The following IMMP2L variants were observed in gnomAD, a reference collection of about 807,000 sequenced individuals.
IMMP2L encodes the protein mitochondrial inner membrane protease subunit 2.
IMMP2L carries 18 observed loss-of-function variants against 19.3 expected under a neutral mutation model. That is an observed-to-expected ratio of 0.93 (90% CI 0.64 to 1.38). The LOEUF is 1.38. Ranked by LOEUF, IMMP2L falls within the 40% of genes most tolerant of loss-of-function variation. The probability of loss-of-function intolerance (pLI) is 0.00; values close to 1 mark genes in which losing one functional copy is unlikely to be tolerated. For missense variants in IMMP2L, 233 were observed against 218.2 expected (o/e 1.07, Z -0.43); for synonymous variants, 76 against 73.0 (o/e 1.04, Z -0.21).
At chr7:111,556,924 C>T (rs906656137) in intron 1 of IMMP2L, among the ~76,000 whole-genome samples, 5 of 152,046 alleles carry the variant, frequency 3.3e-5, no homozygotes, top group African/African-American at 9.7e-5. Context: ...ATATGCCCTG[C>T]GAGCATGTTA....
chr7:111,257,769 A>AC (rs1816875365), intron 3 of IMMP2L, among the ~76,000 whole-genome samples: 1 of 151,572 alleles, frequency 6.6e-6, no homozygotes, highest in African/African-American at 2.4e-5. Context: ...TCTTTTAAAC[A>AC]CCTTTTTCTT....
intron 5 of IMMP2L, among the ~76,000 whole-genome samples, chr7:110,677,549 C>A (rs919840287): frequency 6.6e-6 from 1 of 152,106 alleles, no homozygotes; most frequent in Non-Finnish European, 1.5e-5. Flanking sequence ...CAAAGGCATG[C>A]ACACAGAATG....
At chr7:111,166,690 G>A (rs1014772925) in intron 3 of IMMP2L, among the ~76,000 whole-genome samples, 2 of 152,016 alleles carry the variant, frequency 1.3e-5, no homozygotes, top group South Asian at 2.1e-4. Context: ...AAATCAAGGT[G>A]TCATCGGGCT....
intron 1 of IMMP2L, among the ~76,000 whole-genome samples, chr7:111,533,380 T>A (rs1439317478): frequency 6.6e-6 from 1 of 152,196 alleles, no homozygotes; most frequent in Non-Finnish European, 1.5e-5. Context: ...GTTGAAATCT[T>A]AACTTCAACC....
At chr7:111,015,498 T>G (rs1825405692) in intron 3 of IMMP2L, among the ~76,000 whole-genome samples, 1 of 152,118 alleles carries the variant, frequency 6.6e-6, no homozygotes, top group African/African-American at 2.4e-5. Context: ...AACGTGAATA[T>G]ACTTAACACT....
At position 111,186,289 on chromosome 7, in the gene IMMP2L, T is replaced by C. The variant is rs562350859; in HGVS notation, c.240-222724A>G. On this transcript the variant is annotated intron_variant, in intron 3 of 5. Coordinates refer to ENST00000405709, the MANE Select transcript of IMMP2L (RefSeq NM_032549.4). The stretch of plus-strand genomic sequence containing the variant: ...CAATGTATATGCTGCGGGCATGTGA[T>C]TGTCACAAATACAGTTATAGCCATG... 6.6e-5 allele frequency among the ~76,000 whole-genome samples: 10 copies of C among 152,284 alleles called. No homozygotes were observed. In the South Asian group the frequency reaches 2.1e-3, roughly 32 times the overall value.
chr7:111,448,488 T>C (rs1838764162), intron 3 of IMMP2L, among the ~76,000 whole-genome samples: 1 of 143,214 alleles, frequency 7.0e-6, no homozygotes, highest in African/African-American at 2.6e-5. Context: ...AAGGCAGAAA[T>C]AAAGATGTTC....
chr7:110,895,522 C>T (rs560477598), intron 4 of IMMP2L, among the ~76,000 whole-genome samples: 1 of 152,226 alleles, frequency 6.6e-6, no homozygotes, highest in African/African-American at 2.4e-5. Flanking sequence ...CTCTGCATTT[C>T]CAAACAGATT....
chr7:111,522,938 T>TATATATATATATATATATATA (rs199823915), intron 1 of IMMP2L, among the ~76,000 whole-genome samples: 17 of 148,820 alleles, frequency 1.1e-4, no homozygotes, highest in African/African-American at 3.1e-4. Flanking sequence ...TATATATATA[T>TATATATATATATATATATATA]TATTTCACCA....
At chr7:111,205,220 A>T (rs1042499490) in intron 3 of IMMP2L, among the ~76,000 whole-genome samples, 2 of 152,188 alleles carry the variant, frequency 1.3e-5, no homozygotes, top group Non-Finnish European at 2.9e-5. Flanking sequence ...CACTAATCCC[A>T]TTCATGAGAG....
rs1466872956 is a variant in IMMP2L, at chr7:110,916,874, T to C, written c.306-30179A>G. Among the ~76,000 whole-genome samples, 7 of 152,298 alleles carry C rather than the reference T, an allele frequency of 4.6e-5. No homozygotes were observed. The South Asian group carries it at 6.2e-4, about 14-fold the overall frequency. On this transcript the variant is annotated intron_variant, in intron 4 of 5. Transcript: ENST00000405709. ...TTCTCAAAACATATTTTCTCATTAATAGATCAGTCATCACAAAATGAATCA... is the reference window on the plus strand; with the variant it reads ...TTCTCAAAACATATTTTCTCATTAACAGATCAGTCATCACAAAATGAATCA...
In IMMP2L at chr7:111,087,293, C is replaced by CA. The variant is rs111425954; in HGVS notation, c.240-123729dup. ...TGAAACCCCATGTCTACTAAAAATA[C>CA]AAAAAATTTGCAGGGCATGGTGGCA... On this transcript the variant is annotated intron_variant, in intron 3 of 5. Coordinates refer to ENST00000405709, the MANE Select transcript of IMMP2L (RefSeq NM_032549.4). Among the ~76,000 whole-genome samples, 274 of 151,684 alleles carry CA rather than the reference C, an allele frequency of 1.8e-3. 2 individuals carry two copies. The highest frequency in any genetic ancestry group is 6.3e-3 in the African/African-American group (260 of 41,372).
chr7:111,478,238 C>T (rs958402680), intron 3 of IMMP2L, among the ~76,000 whole-genome samples: 1 of 152,098 alleles, frequency 6.6e-6, no homozygotes, highest in Non-Finnish European at 1.5e-5. Flanking sequence ...CTAATTCTTT[C>T]CTCAGCTGTC....
chr7:111,336,193 T>C (rs1266559785), intron 3 of IMMP2L, among the ~76,000 whole-genome samples: 2 of 148,856 alleles, frequency 1.3e-5, no homozygotes, highest in African/African-American at 2.5e-5. Flanking sequence ...ACTACAGGTG[T>C]GTGCCGCCAG....
chr7:110,865,154 C>T (rs377323524), intron 5 of IMMP2L, among the ~76,000 whole-genome samples: 14 of 151,946 alleles, frequency 9.2e-5, no homozygotes, highest in South Asian at 2.1e-4. Context: ...AAAGATTATA[C>T]GTGTCAGGAA....
intron 3 of IMMP2L, among the ~76,000 whole-genome samples, chr7:111,379,553 A>T (rs1831001311): frequency 1.3e-5 from 2 of 151,804 alleles, no homozygotes; most frequent in East Asian, 1.9e-4. Context: ...GAATAATCAT[A>T]ATTCCCTTAT....
chr7:111,514,384 G>C (rs982358487), intron 2 of IMMP2L, among the ~76,000 whole-genome samples: 14 of 151,980 alleles, frequency 9.2e-5, no homozygotes, highest in African/African-American at 3.4e-4. Flanking sequence ...TTGGGGGATG[G>C]GGGAGGGATA....
At chr7:111,153,539 T>C (rs1804304371) in intron 3 of IMMP2L, among the ~76,000 whole-genome samples, 1 of 152,062 alleles carries the variant, frequency 6.6e-6, no homozygotes, top group South Asian at 2.1e-4. Flanking sequence ...CCAGTTTATG[T>C]ATAAACCTAC....
At chr7:111,327,480 C>T (rs1326964392) in intron 3 of IMMP2L, among the ~76,000 whole-genome samples, 2 of 151,684 alleles carry the variant, frequency 1.3e-5, no homozygotes, top group South Asian at 2.1e-4. Flanking sequence ...GCTGTTCCTG[C>T]GAGGTACTGT....
Sources: allele counts gnomAD v4.1 joint callset (sites outside exome capture counted in the v4.1 genomes callset), GRCh38; gene constraint gnomAD v4.1.1; transcripts MANE v1.5; gene names NCBI Gene and HGNC (gene_info 2026-07-23, HGNC 2026-07-21).